Variants in ANKRD11 observed in about 807,000 individuals in gnomAD.
ANKRD11 encodes ankyrin repeat domain 11, also known as ankyrin repeat domain-containing protein 11.
A neutral mutation model predicts 195.7 loss-of-function variants in ANKRD11; 17 were observed. The ratio of observed to expected loss-of-function variants is 0.09; its 90% CI spans 0.06 to 0.13. The LOEUF (loss-of-function observed/expected upper bound fraction) is 0.13. Among genes scored for constraint, ANKRD11 ranks in the 10% least tolerant of loss-of-function variants. The pLI is 1.00. For synonymous variants in ANKRD11, 1,953 were observed against 1,528.1 expected (o/e 1.28, Z -6.49); for missense variants, 3,735 against 3,566.1 (o/e 1.05, Z -1.21).
At chr16:89,442,299 C>A (rs368626321) in intron 1 of ANKRD11, among the ~76,000 whole-genome samples, 1 of 152,218 alleles carries the variant, frequency 6.6e-6, no homozygotes, top group African/African-American at 2.4e-5. Context: ...TCTAACTCTA[C>A]ACTCTCAAAA....
chr16:89,323,407 G>C, intron 2 of ANKRD11: 1 of 1,194,148 alleles, frequency 8.4e-7, no homozygotes, highest in Non-Finnish European at 1.1e-6. Flanking sequence ...AGCAGCCCAG[G>C]GCAGGGGGGC....
chr16:89,340,109 G>C (rs2038584596), intron 2 of ANKRD11: 1 of 152,208 alleles, frequency 6.6e-6, no homozygotes, highest in Non-Finnish European at 1.5e-5. Context: ...ACTAAAATGA[G>C]TATTTGTCTG....
Position 89,375,722 on chromosome 16 carries a change from C to T in ANKRD11, c.-60+42562G>A, listed in dbSNP as rs893374499. ...CGCCCAGCCTCAGCCTCCCAAAGTG[C>T]TGAGATTACAAGCATGAGCCACTGC... On this transcript the variant is annotated intron_variant, in intron 2 of 12. Transcript: ENST00000301030. 1.8e-4 allele frequency among the ~76,000 whole-genome samples: 26 copies of T among 143,354 alleles called. No individual in the cohort carries two copies. The South Asian group carries it at 5.8e-3, about 32-fold the overall frequency. The allele number at this position is 143,354 out of a possible 152,430, so 94.0% of individuals were successfully genotyped here. A position where few individuals can be genotyped will look rare whatever the true frequency, so the allele number is the denominator to read the frequency against.
intron 1 of ANKRD11, among the ~76,000 whole-genome samples, chr16:89,439,550 A>G (rs2043357545): frequency 6.6e-6 from 1 of 152,210 alleles, no homozygotes; most frequent in Non-Finnish European, 1.5e-5. Context: ...GAGAAAACCC[A>G]TCTAAAATGC....
At chr16:89,311,403 C>T (rs2036600687) in intron 3 of ANKRD11, among the ~76,000 whole-genome samples, 3 of 152,200 alleles carry the variant, frequency 2.0e-5, no homozygotes, top group Admixed American at 1.3e-4. Context: ...ACTAACACAA[C>T]AACTGTCTAT....
At chr16:89,350,998 T>C (rs1206838199) in intron 2 of ANKRD11, among the ~76,000 whole-genome samples, 1 of 152,184 alleles carries the variant, frequency 6.6e-6, no homozygotes, top group Non-Finnish European at 1.5e-5. Context: ...GTACGCACAC[T>C]CTGTGATGCT....
At chr16:89,445,399 C>T (rs528908085) in intron 1 of ANKRD11, among the ~76,000 whole-genome samples, 2 of 152,174 alleles carry the variant, frequency 1.3e-5, no homozygotes, top group East Asian at 1.9e-4. Flanking sequence ...CTCCTTGGGG[C>T]GTAAGATGCT....
chr16:89,287,312 G>T (rs193222565), intron 7 of ANKRD11: 87 of 345,158 alleles, frequency 2.5e-4, no homozygotes, highest in Non-Finnish European at 3.2e-4. Flanking sequence ...CCATGGGGCT[G>T]CCCTGGGCCT....
intron 2 of ANKRD11, among the ~76,000 whole-genome samples, chr16:89,399,707 C>T (rs2041613726): frequency 6.6e-6 from 1 of 152,182 alleles, no homozygotes; most frequent in South Asian, 2.1e-4. Flanking sequence ...TAACAAATGG[C>T]CGCTCTTGTG....
intron 2 of ANKRD11, among the ~76,000 whole-genome samples, chr16:89,402,045 T>C (rs2041714501): frequency 6.6e-6 from 1 of 150,952 alleles, no homozygotes; most frequent in Non-Finnish European, 1.5e-5. Flanking sequence ...TGGTCTGTGG[T>C]GATTTATCAC....
intron 1 of ANKRD11, among the ~76,000 whole-genome samples, chr16:89,476,456 A>G (rs1204606831): frequency 2.6e-5 from 4 of 152,188 alleles, no homozygotes; most frequent in Admixed American, 2.0e-4. Context: ...ACACATCAAC[A>G]TCAGGAATAA....
At chr16:89,286,495 A>G in intron 7 of ANKRD11, 1 of 516,704 alleles carries the variant, frequency 1.9e-6, no homozygotes, top group South Asian at 2.0e-5. Flanking sequence ...TGCCGCAAGT[A>G]GACGACTTCC....
chr16:89,283,125 C>G lies in ANKRD11; in HGVS notation c.3417G>C (p.Glu1139Asp), dbSNP rs1281306906. The change falls in exon 9 of 13, where the codon GAG becomes GAC. Residue 1139 changes from glutamate to aspartate, a missense_variant. Transcript: ENST00000301030. This position sits in a 1 kb window ranked among gnomAD's most constrained non-coding sequence, Gnocchi z 4.3. ...SCMGSGFKMGEASDLPRTDGL... is the reference protein window; with the variant it reads ...SCMGSGFKMGDASDLPRTDGL... Reference sequence around the variant, plus strand: ...CGTCCGTCCTCGGCAAGTCGCTGGCCTCTCCCATCTTGAACCCGCTCCCCA... The same window carrying G: ...CGTCCGTCCTCGGCAAGTCGCTGGCGTCTCCCATCTTGAACCCGCTCCCCA... 3 of 1,614,002 alleles carry G rather than the reference C, an allele frequency of 1.9e-6. No individual in the cohort carries two copies. Among genetic ancestry groups the G allele is most frequent in the Admixed American group, 1.7e-5 (1 of 60,022 alleles).
chr16:89,305,134 A>T, intron 4 of ANKRD11, 72 bp downstream of exon 4: 1 of 1,579,564 alleles, frequency 6.3e-7, no homozygotes, highest in Non-Finnish European at 8.6e-7. Flanking sequence ...TGCGGGGGCC[A>T]GGGACGCCCT....
At chr16:89,333,900 C>A (rs182960483) in intron 2 of ANKRD11, among the ~76,000 whole-genome samples, 1 of 152,138 alleles carries the variant, frequency 6.6e-6, no homozygotes, top group East Asian at 1.9e-4. Flanking sequence ...GTGTTGTGAA[C>A]AGAGAGATAA....
intron 11 of ANKRD11, 175 bp from the exon 12 acceptor site, chr16:89,271,084 TCTCCCTAAACAGC>T: frequency 1.5e-6 from 1 of 681,268 alleles, no homozygotes; most frequent in East Asian, 2.8e-5. Context: ...ACCCTGCCCA[TCTCCCTAAACAGC>T]CTCCCTAAAA....
chr16:89,478,456 T>C (rs1223651508), intron 1 of ANKRD11, among the ~76,000 whole-genome samples: 1 of 152,148 alleles, frequency 6.6e-6, no homozygotes, highest in East Asian at 1.9e-4. Flanking sequence ...AACATCCTCC[T>C]ACAGCCCCCA....
At chr16:89,401,079 TTC>T (rs1199737420) in intron 2 of ANKRD11, among the ~76,000 whole-genome samples, 1 of 151,514 alleles carries the variant, frequency 6.6e-6, no homozygotes, top group African/African-American at 2.4e-5. Context: ...TGTTATATAT[TTC>T]TCTCTCCCCC....
Position 89,291,505 on chromosome 16 carries a change from C to T in ANKRD11, c.227-322G>A, listed in dbSNP as rs1015279451. Reference sequence around the variant, plus strand: ...CCAGACCTCGTACCACACATGAATGCGGTGGGACAGCTTAGCACCGGTGAC... The same window carrying T: ...CCAGACCTCGTACCACACATGAATGTGGTGGGACAGCTTAGCACCGGTGAC... On this transcript the variant is annotated intron_variant, in intron 4 of 12. Coordinates refer to ENST00000301030, the MANE Select transcript of ANKRD11 (RefSeq NM_013275.6). This position sits in a 1 kb window ranked among gnomAD's most constrained non-coding sequence, Gnocchi z 5.3. Among the ~76,000 whole-genome samples, 2 of 152,188 alleles carry T rather than the reference C, an allele frequency of 1.3e-5. No individual in the cohort carries two copies. Among genetic ancestry groups the T allele is most frequent in the African/African-American group, 2.4e-5 (1 of 41,452 alleles).
Sources: gnomAD v4.1 joint callset for allele counts (sites outside exome capture counted in the v4.1 genomes callset) on GRCh38, gnomAD v4.1.1 for gene constraint, Gnocchi (gnomAD v3.1) non-coding constraint, MANE v1.5 for transcripts, NCBI Gene and HGNC (gene_info 2026-07-23, HGNC 2026-07-21) for gene names.